ANKFN1: variants seen among roughly 807,000 people sequenced by gnomAD.
ANKFN1 encodes the protein ankyrin repeat and fibronectin type III domain containing 1.
In ANKFN1, 74 loss-of-function variants were observed where a neutral mutation model predicts 108.7. The observed-to-expected ratio is 0.68, with a 90% CI of 0.56 to 0.83. The LOEUF (loss-of-function observed/expected upper bound fraction) is 0.83. ANKFN1 is among the 40% of genes least tolerant of loss of function. ANKFN1 has a pLI of 0.00. For missense variants in ANKFN1, 1,505 were observed against 1,382.3 expected (o/e 1.09, Z -1.41); for synonymous variants, 547 against 516.2 (o/e 1.06, Z -0.81).
chr17:56,211,536 A>T (rs1207238687), intron 1 of ANKFN1, among the ~76,000 whole-genome samples: 1 of 152,124 alleles, frequency 6.6e-6, no homozygotes, highest in Non-Finnish European at 1.5e-5. Flanking sequence ...AAGTCAGGTA[A>T]TGTAATATCT....
chr17:56,402,827 G>A (rs989788065), intron 8 of ANKFN1, among the ~76,000 whole-genome samples: 2 of 151,994 alleles, frequency 1.3e-5, no homozygotes, highest in African/African-American at 4.8e-5. Context: ...TAGTCTTTTT[G>A]ATGTAGGCAT....
intron 3 of ANKFN1, among the ~76,000 whole-genome samples, chr17:56,322,179 T>C (rs1244131417): frequency 6.6e-6 from 1 of 152,178 alleles, no homozygotes. Flanking sequence ...TAATTATCTC[T>C]AGGTGTATGT....
chr17:56,225,819 A>G (rs1449678423), intron 2 of ANKFN1, among the ~76,000 whole-genome samples: 1 of 152,242 alleles, frequency 6.6e-6, no homozygotes, highest in African/African-American at 2.4e-5. Context: ...AATTGAATAG[A>G]TACATAATGC....
Position 56,350,777 on chromosome 17 carries a change from T to G in ANKFN1, c.200T>G (p.Val67Gly), listed in dbSNP as rs1408695204. Residue 67 changes from valine (V) to glycine (G), a missense_variant, in exon 5 of 21, where the codon GTG becomes GGG. Val to Gly is a moderately radical substitution (Grantham distance 109, BLOSUM62 -3). Coordinates refer to ENST00000682825, the MANE Select transcript of ANKFN1 (RefSeq NM_001370326.1). ...ASNSINWNCR[V>G]KMTQQMQNLH... ...TTTCCTCTTCTTAGGAATTGTCGTGTGAAAATGACGCAACAAATGCAAAAT... is the reference window on the plus strand; with the variant it reads ...TTTCCTCTTCTTAGGAATTGTCGTGGGAAAATGACGCAACAAATGCAAAAT... 1 of 1,613,620 alleles carries G rather than the reference T, an allele frequency of 6.2e-7. No homozygotes were observed. Among genetic ancestry groups the G allele is most frequent in the East Asian group, 2.2e-5 (1 of 44,824 alleles).
intron 4 of ANKFN1, among the ~76,000 whole-genome samples, chr17:56,052,218 A>C (rs1273043977): frequency 6.6e-6 from 1 of 152,204 alleles, no homozygotes; most frequent in Admixed American, 6.5e-5. Flanking sequence ...GTACCAAAAC[A>C]GAGATATAGA....
chr17:56,136,490 T>A (rs1907607327), intron 4 of ANKFN1, among the ~76,000 whole-genome samples: 3 of 152,236 alleles, frequency 2.0e-5, no homozygotes, highest in Admixed American at 1.3e-4. Context: ...GGGAAGAATG[T>A]ATTTGGCAGA....
chr17:56,222,599 C>A (rs937948676), intron 2 of ANKFN1, among the ~76,000 whole-genome samples: 1 of 151,968 alleles, frequency 6.6e-6, no homozygotes, highest in African/African-American at 2.4e-5. Flanking sequence ...AAGGAATGAT[C>A]GGAGAAAAAG....
At chr17:56,483,500 A>G (rs1250726456) in intron 18 of ANKFN1, among the ~76,000 whole-genome samples, 3 of 152,226 alleles carry the variant, frequency 2.0e-5, no homozygotes, top group Admixed American at 6.5e-5. Context: ...TAAGCCTCTC[A>G]GTTTTCCTTG....
At chr17:56,092,186 A>T (rs1905432003) in intron 4 of ANKFN1, among the ~76,000 whole-genome samples, 1 of 151,162 alleles carries the variant, frequency 6.6e-6, no homozygotes, top group Non-Finnish European at 1.5e-5. Flanking sequence ...CCATCTGCCT[A>T]GAGGAACCAG....
chr17:56,048,706 A>T (rs530732756), intron 4 of ANKFN1, among the ~76,000 whole-genome samples: 1 of 152,296 alleles, frequency 6.6e-6, no homozygotes, highest in Non-Finnish European at 1.5e-5. Flanking sequence ...AAGGTAGAAG[A>T]TCTCTATCCT....
chr17:56,271,886 G>A (rs898585478), intron 3 of ANKFN1, among the ~76,000 whole-genome samples: 1 of 152,054 alleles, frequency 6.6e-6, no homozygotes, highest in African/African-American at 2.4e-5. Flanking sequence ...TTCCTTCTTT[G>A]CAAAATGGGC....
At chr17:56,280,888 G>T (rs4793807) in intron 3 of ANKFN1, among the ~76,000 whole-genome samples, 13,709 of 152,212 alleles carry the variant, frequency 0.09, 656 homozygotes, top group East Asian at 0.22. Flanking sequence ...GGAGGTAATT[G>T]AATCATGGGG....
chr17:56,409,237 A>C (rs1178086140), intron 8 of ANKFN1, among the ~76,000 whole-genome samples: 1 of 151,980 alleles, frequency 6.6e-6, no homozygotes, highest in Non-Finnish European at 1.5e-5. Context: ...GATTATTTTT[A>C]TGTCTGTGTC....
intron 3 of ANKFN1, among the ~76,000 whole-genome samples, chr17:56,276,081 TG>T (rs200684018): frequency 0.013 from 1,971 of 152,194 alleles, 49 homozygotes; most frequent in Non-Finnish European, 0.013. Flanking sequence ...GTGTTTTCAT[TG>T]TTCAATTCCC....
rs370808140 is a variant in ANKFN1 at position 56,298,415 on chromosome 17, T to C, written c.54-27806T>C. ...ATGTATTTCTGCTACACATGTGTCA[T>C]GTCAACTCATACCATATTAAGATTG... On this transcript the variant is annotated intron_variant, in intron 3 of 20. Transcript: ENST00000682825. Among the ~76,000 whole-genome samples the C allele has an allele frequency of 1.3e-4, 20 of 152,376 alleles. 2 individuals carry two copies. Among genetic ancestry groups the C allele is most frequent in the African/African-American group, 4.8e-4 (20 of 41,600 alleles).
upstream of ANKFN1, among the ~76,000 whole-genome samples, chr17:56,152,606 A>T (rs992788903): frequency 1.6e-4 from 25 of 152,102 alleles, no homozygotes; most frequent in Admixed American, 3.9e-4. Flanking sequence ...GCTTCAAAGT[A>T]CTCATCCTTG....
chr17:56,076,965 A>G (rs181551749), intron 4 of ANKFN1, among the ~76,000 whole-genome samples: 2 of 152,326 alleles, frequency 1.3e-5, no homozygotes, highest in East Asian at 3.9e-4. Context: ...TAAAGTTAGT[A>G]GAAATAAAAT....
At chr17:56,384,923 C>T (rs1002939381) in intron 8 of ANKFN1, among the ~76,000 whole-genome samples, 71 of 151,582 alleles carry the variant, frequency 4.7e-4, no homozygotes, top group Non-Finnish European at 8.3e-4. Flanking sequence ...CAATGCCATC[C>T]CCATCAAGCT....
Position 56,354,041 on chromosome 17 carries a change from C to T in ANKFN1, c.596C>T (p.Pro199Leu). ...CTGAGGACAGGGGCCCGAGAAAGTC[C>T]ACACTGTAAGTAACCTGAGAATAAA... is the stretch of plus-strand genomic sequence containing the variant. ...ILLRTGARES[P>L]HFVSLESRAM... is the part of the protein sequence containing the mutation. Residue 199 changes from proline to leucine, a missense_variant, in exon 6 of 21, where the codon CCA (proline) becomes CTA (leucine). Coordinates refer to ENST00000682825, the MANE Select transcript of ANKFN1 (RefSeq NM_001370326.1). 1 of 1,613,638 alleles carries T rather than the reference C, an allele frequency of 6.2e-7. No homozygotes were observed. Among genetic ancestry groups the T allele is most frequent in the Non-Finnish European group, 8.5e-7 (1 of 1,179,848 alleles).
Sources: gnomAD v4.1 joint callset for allele counts (sites outside exome capture counted in the v4.1 genomes callset) on GRCh38, gnomAD v4.1.1 for gene constraint, MANE v1.5 for transcripts, NCBI Gene and HGNC (gene_info 2026-07-23, HGNC 2026-07-21) for gene names.